ITPK1: variants seen among roughly 807,000 people sequenced by gnomAD.
ITPK1 encodes inositol 1,3,4-trisphosphate 5/6-kinase.
Under a neutral mutation model 45.3 loss-of-function variants are expected in ITPK1, and 21 were observed. The observed-to-expected ratio is 0.46, with a 90% CI of 0.33 to 0.67. The LOEUF (loss-of-function observed/expected upper bound fraction) is 0.67. ITPK1 is among the 30% of genes least tolerant of loss of function. The pLI is 0.02. For synonymous variants in ITPK1, 258 were observed against 253.6 expected, an observed-to-expected ratio of 1.02 and a Z score of -0.16; for missense variants, 474 against 573.5, an observed-to-expected ratio of 0.83 and a Z score of 1.77.
At chr14:93,038,065 T>C (rs971272440) in intron 3 of ITPK1, among the ~76,000 whole-genome samples, 2 of 152,216 alleles carry the variant, frequency 1.3e-5, no homozygotes, top group African/African-American at 4.8e-5. Flanking sequence ...TTCTTTTTTT[T>C]TTTTTGAGAT....
chr14:93,037,900 T>A (rs1889387194), intron 3 of ITPK1, among the ~76,000 whole-genome samples: 1 of 152,248 alleles, frequency 6.6e-6, no homozygotes, highest in Non-Finnish European at 1.5e-5. Flanking sequence ...TTTAACTTAA[T>A]CTCAGAGATA....
chr14:93,022,968 G>T (rs1039122764), intron 3 of ITPK1, among the ~76,000 whole-genome samples: 2 of 152,236 alleles, frequency 1.3e-5, no homozygotes, highest in Admixed American at 1.3e-4. Context: ...TGTGGAAAAG[G>T]CTGATAAGAA....
intron 2 of ITPK1, among the ~76,000 whole-genome samples, chr14:93,110,543 G>A (rs547313999): frequency 6.3e-4 from 96 of 152,260 alleles, no homozygotes; most frequent in African/African-American, 2.2e-3. Context: ...GGACAGGCCC[G>A]GTGGCATGCT....
At chr14:93,033,845 G>T (rs2139895976) in intron 3 of ITPK1, among the ~76,000 whole-genome samples, 1 of 152,302 alleles carries the variant, frequency 6.6e-6, no homozygotes, top group South Asian at 2.1e-4. Context: ...GGGCAGCACA[G>T]GGGTAGCTAG....
intron 5 of ITPK1, among the ~76,000 whole-genome samples, chr14:92,982,768 C>T (rs765295571): frequency 6.6e-6 from 1 of 152,204 alleles, no homozygotes; most frequent in Non-Finnish European, 1.5e-5. Context: ...AAGGGGGAAA[C>T]GCAATTGTGA....
chr14:93,000,807 C>T (rs1438415180), intron 4 of ITPK1, among the ~76,000 whole-genome samples: 5 of 151,188 alleles, frequency 3.3e-5, no homozygotes, highest in Admixed American at 6.6e-5. Context: ...CAAAACCCCC[C>T]GCAAAAATAC....
chr14:93,072,180 T>A (rs1008922897), intron 3 of ITPK1: 2 of 149,546 alleles, frequency 1.3e-5, no homozygotes, highest in African/African-American at 4.9e-5. Flanking sequence ...CAGGCACCTG[T>A]AACCTCAGCT....
intron 5 of ITPK1, among the ~76,000 whole-genome samples, chr14:92,964,633 C>T (rs962193787): frequency 1.3e-5 from 2 of 152,240 alleles, no homozygotes; most frequent in East Asian, 1.9e-4. Flanking sequence ...AGGCAGGCTT[C>T]GGACGGGCGC....
Position 93,076,552 on chromosome 14 carries a change from G to A in ITPK1, c.120+43C>T, listed in dbSNP as rs778995047. ...AGAGACAGAGAGGTGGGCACCAAGG[G>A]CCCCACTACCCAAAGAACCACGGGG... On this transcript the variant is annotated intron_variant, in intron 3 of 10. Coordinates refer to ENST00000267615, the MANE Select transcript of ITPK1 (RefSeq NM_014216.6). This position sits in a 1 kb window ranked among gnomAD's most constrained non-coding sequence, Gnocchi z 4.3. 6.2e-7 allele frequency: 1 copy of A among 1,607,840 alleles called. No homozygotes were observed. Among genetic ancestry groups the A allele is most frequent in the Non-Finnish European group, 8.5e-7 (1 of 1,174,508 alleles).
intron 3 of ITPK1, among the ~76,000 whole-genome samples, chr14:93,045,761 CTTT>C (rs970722105): frequency 6.7e-6 from 1 of 149,550 alleles, no homozygotes; most frequent in Non-Finnish European, 1.5e-5. Flanking sequence ...CTAATTCAGA[CTTT>C]TTTTTTTATT....
Position 93,036,556 on chromosome 14 carries a change from C to T in ITPK1, c.121-19755G>A, listed in dbSNP as rs1293822198. Among the ~76,000 whole-genome samples the T allele has an allele frequency of 6.6e-6, 1 of 151,924 alleles. No individual in the cohort carries two copies. Among genetic ancestry groups the T allele is most frequent in the Non-Finnish European group, 1.5e-5 (1 of 67,942 alleles). ...TGCTGTTTGCTGGTGGCAGCCTCTCCACACCCCCTAACCCCCAGCCACTCT... is the reference window on the plus strand; with the variant it reads ...TGCTGTTTGCTGGTGGCAGCCTCTCTACACCCCCTAACCCCCAGCCACTCT... On this transcript the variant is annotated intron_variant, in intron 3 of 10. Transcript: ENST00000267615. This position sits in a 1 kb window ranked among gnomAD's most constrained non-coding sequence, Gnocchi z 4.1.
chr14:93,033,280 G>A (rs920901838), intron 3 of ITPK1, among the ~76,000 whole-genome samples: 1 of 152,202 alleles, frequency 6.6e-6, no homozygotes, highest in African/African-American at 2.4e-5. Context: ...CTGTGCATTG[G>A]CACAGCAGTG....
At chr14:92,996,247 C>CA (rs1374558715) in intron 4 of ITPK1, among the ~76,000 whole-genome samples, 3 of 151,554 alleles carry the variant, frequency 2.0e-5, no homozygotes, top group Admixed American at 6.6e-5. Flanking sequence ...ACCCTGTCTC[C>CA]AAAAAAAATA....
At chr14:93,089,272 C>T (rs1038720804) in intron 2 of ITPK1, among the ~76,000 whole-genome samples, 1 of 152,200 alleles carries the variant, frequency 6.6e-6, no homozygotes, top group Non-Finnish European at 1.5e-5. Context: ...TGTCAGGATG[C>T]TGTGGGGTAG....
At chr14:93,013,811 G>A (rs1040870392) in intron 4 of ITPK1, among the ~76,000 whole-genome samples, 5 of 152,158 alleles carry the variant, frequency 3.3e-5, no homozygotes, top group South Asian at 4.2e-4. Flanking sequence ...CAAAGGGCAC[G>A]ACTGAGGTCA....
chr14:93,083,773 G>A (rs985680534), intron 2 of ITPK1, among the ~76,000 whole-genome samples: 1 of 152,050 alleles, frequency 6.6e-6, no homozygotes, highest in African/African-American at 2.4e-5. Flanking sequence ...TTCCTCAAAT[G>A]CCATCCCCAC....
chr14:93,098,334 G>A (rs1892168651), intron 2 of ITPK1, among the ~76,000 whole-genome samples: 1 of 152,064 alleles, frequency 6.6e-6, no homozygotes, highest in South Asian at 2.1e-4. Context: ...GCGGGCACCT[G>A]TAGTCCCAGC....
chr14:93,050,112 ACT>A (rs1452900341), intron 3 of ITPK1, among the ~76,000 whole-genome samples: 2 of 152,116 alleles, frequency 1.3e-5, no homozygotes, highest in Admixed American at 1.3e-4. Context: ...CGTAGGAAAT[ACT>A]CTCACTGCCT....
chr14:92,974,975 G>C (rs541064037), intron 5 of ITPK1, among the ~76,000 whole-genome samples: 55 of 152,352 alleles, frequency 3.6e-4, no homozygotes, highest in African/African-American at 1.3e-3. Flanking sequence ...GCTAGGGCAG[G>C]ACTGTGTCTC....
Sources: gnomAD v4.1 joint callset for allele counts (sites outside exome capture counted in the v4.1 genomes callset) on GRCh38, gnomAD v4.1.1 for gene constraint, Gnocchi (gnomAD v3.1) non-coding constraint, MANE v1.5 for transcripts, NCBI Gene and HGNC (gene_info 2026-07-23, HGNC 2026-07-21) for gene names.